Variants in USP47 observed in about 807,000 individuals in gnomAD.
USP47 encodes ubiquitin specific peptidase 47.
In USP47, 35 loss-of-function variants were observed where a neutral mutation model predicts 165.1. The observed-to-expected ratio is 0.21, with a 90% CI of 0.16 to 0.28. The LOEUF (loss-of-function observed/expected upper bound fraction) is 0.28, where lower values mean the gene tolerates loss of function less well. Ranked by LOEUF, USP47 falls within the 10% of genes least tolerant of loss-of-function variation. The probability of loss-of-function intolerance (pLI) is 1.00; values close to 1 mark genes in which losing one functional copy is unlikely to be tolerated. For synonymous variants in USP47, 531 were observed against 544.5 expected (o/e 0.98, Z 0.35); for missense variants, 1,277 against 1,607.4 (o/e 0.79, Z 3.52).
chr11:11,848,294 C>A (rs1393604769), intron 1 of USP47, among the ~76,000 whole-genome samples: 1 of 152,192 alleles, frequency 6.6e-6, no homozygotes, highest in African/African-American at 2.4e-5. Flanking sequence ...GCCTGCTACA[C>A]ACCTAGGCTA....
chr11:11,873,322 TATTA>T (rs1423378326), intron 1 of USP47, among the ~76,000 whole-genome samples: 1 of 152,174 alleles, frequency 6.6e-6, no homozygotes, highest in Non-Finnish European at 1.5e-5. Flanking sequence ...TATGTTTTTG[TATTA>T]ATTGTAATTT....
At chr11:11,912,375 T>TA (rs1346936577) in intron 8 of USP47, among the ~76,000 whole-genome samples, 1 of 151,980 alleles carries the variant, frequency 6.6e-6, no homozygotes, top group Non-Finnish European at 1.5e-5. Flanking sequence ...ATGAAAAGGA[T>TA]ATAACTATAG....
chr11:11,846,377 T>G (rs1848427609), intron 1 of USP47, among the ~76,000 whole-genome samples: 1 of 152,166 alleles, frequency 6.6e-6, no homozygotes. Context: ...TATAGAATGA[T>G]CAAGGATAAG....
At chr11:11,943,217 G>A in intron 20 of USP47, 105 bp downstream of exon 20, 5 of 1,288,278 alleles carry the variant, frequency 3.9e-6, no homozygotes, top group Non-Finnish European at 5.3e-6. Flanking sequence ...AAGATCATTT[G>A]TAACTTTCTG....
In USP47 at chr11:11,930,771, T is replaced by C. The variant is rs776090940; in HGVS notation, c.1651+20T>C. 5.7e-6 allele frequency: 9 copies of C among 1,591,712 alleles called. No homozygotes were observed. The highest frequency in any genetic ancestry group is 6.0e-6 in the Non-Finnish European group (7 of 1,168,966). On this transcript the variant is annotated intron_variant, in intron 14 of 27. Transcript: ENST00000527733. ...ATGCAAGTATGTTTACCTACAGTTA[T>C]TTGATTTTAATTTGTGTTATAAACT...
chr11:11,900,247 C>T (rs2134434987), intron 5 of USP47, among the ~76,000 whole-genome samples: 1 of 150,542 alleles, frequency 6.6e-6, no homozygotes, highest in African/African-American at 2.4e-5. Flanking sequence ...CAGGCTCTGC[C>T]TCCTGGGGTT....
intron 17 of USP47, among the ~76,000 whole-genome samples, chr11:11,937,589 G>T (rs72857632): frequency 0.25 from 25,485 of 102,750 alleles, 2,415 homozygotes; most frequent in Admixed American, 0.45. Flanking sequence ...TTTTTTTTTT[G>T]CTAGACAAGA....
chr11:11,915,815 AC>A (rs1175484831), intron 8 of USP47, among the ~76,000 whole-genome samples: 1 of 152,194 alleles, frequency 6.6e-6, no homozygotes, highest in Non-Finnish European at 1.5e-5. Flanking sequence ...TATCAGTAGT[AC>A]CAAAATTGCT....
chr11:11,896,731 A>T (rs1851870913), intron 4 of USP47, among the ~76,000 whole-genome samples: 1 of 152,184 alleles, frequency 6.6e-6, no homozygotes. Flanking sequence ...AAAGGCTCTA[A>T]TACGGATTAA....
At chr11:11,890,759 C>T (rs1851461534) in intron 3 of USP47, among the ~76,000 whole-genome samples, 1 of 152,146 alleles carries the variant, frequency 6.6e-6, no homozygotes, top group Admixed American at 6.6e-5. Flanking sequence ...TGGAATCAAC[C>T]TAAATGCCCA....
chr11:11,927,167 TA>T (rs1424843879), intron 11 of USP47, among the ~76,000 whole-genome samples: 2 of 152,126 alleles, frequency 1.3e-5, no homozygotes, highest in Non-Finnish European at 2.9e-5. Flanking sequence ...AAATGTGCTA[TA>T]ATTCTTATCC....
intron 20 of USP47, among the ~76,000 whole-genome samples, chr11:11,947,588 G>T (rs1855927408): frequency 6.6e-6 from 1 of 152,276 alleles, no homozygotes; most frequent in South Asian, 2.1e-4. Flanking sequence ...GTCCCATATA[G>T]TAAGTAAGCA....
intron 1 of USP47, among the ~76,000 whole-genome samples, chr11:11,855,538 A>G (rs529700886): frequency 4.7e-4 from 71 of 152,364 alleles, no homozygotes; most frequent in African/African-American, 1.6e-3. Context: ...CCTAAGTGAC[A>G]TAATTCAGAA....
intron 8 of USP47, among the ~76,000 whole-genome samples, chr11:11,913,024 A>G (rs1853116141): frequency 6.6e-6 from 1 of 152,074 alleles, no homozygotes; most frequent in African/African-American, 2.4e-5. Context: ...AAACGTATCT[A>G]AAATATCTAT....
chr11:11,956,852 T>TA lies in USP47; in HGVS notation c.*678dup, dbSNP rs1847220914. 2 of 152,488 alleles carry TA rather than the reference T, an allele frequency of 1.3e-5. No individual in the cohort carries two copies. Among genetic ancestry groups the TA allele is most frequent in the South Asian group, 4.1e-4 (2 of 4,832 alleles). The allele number at this position is 152,488 out of a possible 1,614,324, so 9.4% of individuals were successfully genotyped here. The stretch of plus-strand genomic sequence containing the variant: ...GCTCAGATTGCTGCAGTGTTGTAAT[T>TA]ATAACTGATTGTACTTAAGTTATGG... On this transcript the variant is annotated 3_prime_UTR_variant, in exon 28 of 28. Coordinates refer to ENST00000527733, the MANE Select transcript of USP47 (RefSeq NM_001282659.2).
intron 3 of USP47, 39 bp downstream of exon 3, chr11:11,884,619 G>T (rs768312559): frequency 1.2e-5 from 17 of 1,447,990 alleles, no homozygotes; most frequent in Non-Finnish European, 1.6e-5. Context: ...TAATTTTTGT[G>T]CACTGTCACC....
intron 1 of USP47, among the ~76,000 whole-genome samples, chr11:11,854,964 G>A (rs7111984): frequency 0.38 from 56,132 of 148,396 alleles, 14,620 homozygotes; most frequent in East Asian, 0.6. Context: ...GTGCAGTGGC[G>A]GGCGCCTGTA....
chr11:11,849,354 C>T (rs1257658301), intron 1 of USP47, among the ~76,000 whole-genome samples: 1 of 152,124 alleles, frequency 6.6e-6, no homozygotes, highest in East Asian at 1.9e-4. Context: ...ATTTTCTCTC[C>T]AGAGGACATT....
At chr11:11,941,185 TTTA>T (rs1357599211) in intron 19 of USP47, among the ~76,000 whole-genome samples, 1 of 152,016 alleles carries the variant, frequency 6.6e-6, no homozygotes, top group African/African-American at 2.4e-5. Flanking sequence ...TTTTTAGTAT[TTTA>T]TTACTAATAT....
Sources: allele counts gnomAD v4.1 joint callset (sites outside exome capture counted in the v4.1 genomes callset), GRCh38; gene constraint gnomAD v4.1.1; transcripts MANE v1.5; gene names NCBI Gene and HGNC (gene_info 2026-07-23, HGNC 2026-07-21).